RHPN1: variants seen among roughly 807,000 people sequenced by gnomAD.
RHPN1 encodes the protein rhophilin Rho GTPase binding protein 1.
In RHPN1, 77 loss-of-function variants were observed where a neutral mutation model predicts 74.7. The observed-to-expected ratio is 1.03, with a 90% CI of 0.86 to 1.25. RHPN1 has a LOEUF of 1.25. Among genes scored for constraint, RHPN1 ranks in the 50% most tolerant of loss-of-function variants. RHPN1 has a pLI of 0.00. For synonymous variants in RHPN1, 444 were observed against 414.5 expected (o/e 1.07, Z -0.87); for missense variants, 987 against 932.2 (o/e 1.06, Z -0.77).
At chr8:143,376,389 G>A (rs1818218647) in intron 2 of RHPN1, 136 bp from the exon 3 acceptor site, 3 of 1,316,650 alleles carry the variant, frequency 2.3e-6, no homozygotes, top group African/African-American at 1.5e-5. Context: ...CCCATGGGGG[G>A]CAGACCCTGT....
At position 143,379,900 on chromosome 8, in the gene RHPN1, C is replaced by T; in HGVS notation, c.1017C>T (p.Ser339=). 1 of 1,606,384 alleles carries T rather than the reference C, an allele frequency of 6.2e-7. No homozygotes were observed. The highest frequency in any genetic ancestry group is 8.5e-7 in the Non-Finnish European group (1 of 1,177,024). Residue 339 remains serine, a synonymous_variant, in exon 9 of 15, where the codon TCC becomes TCT. Transcript: ENST00000289013. ...QPPVHDYVPV[S]WTALVHVKAE... is the part of the protein sequence containing the mutation. ...CCGTCCACGACTACGTGCCTGTCTC[C>T]TGGACTGCCCTGGTGCATGTCAAGG...
chr8:143,369,603 G>A (rs1025042908), intron 1 of RHPN1, among the ~76,000 whole-genome samples: 6 of 152,176 alleles, frequency 3.9e-5, no homozygotes, highest in African/African-American at 1.4e-4. Context: ...GGGAGGGGTG[G>A]GCAGGGCTGT....
upstream of RHPN1, among the ~76,000 whole-genome samples, chr8:143,366,260 C>G (rs1404797386): frequency 6.6e-6 from 1 of 152,174 alleles, no homozygotes; most frequent in Non-Finnish European, 1.5e-5. Flanking sequence ...GTCCAGTTCC[C>G]TGCCTGTCAC....
At chr8:143,376,766 G>A in intron 3 of RHPN1, 113 bp downstream of exon 3, 2 of 1,183,256 alleles carry the variant, frequency 1.7e-6, no homozygotes, top group Non-Finnish European at 2.3e-6. Flanking sequence ...TGCATTGTCT[G>A]TGTGTGTGCG....
At position 143,378,838 on chromosome 8, in the gene RHPN1, G is replaced by T. The variant is rs559934758; in HGVS notation, c.584+18G>T. 1.2e-5 allele frequency: 19 copies of T among 1,565,718 alleles called. No individual in the cohort carries two copies. Among genetic ancestry groups the T allele is most frequent in the African/African-American group, 2.7e-5 (2 of 73,538 alleles). ...TTCCACTGGTAGGGGCTCTGCGGGC[G>T]GAGGCACCCTGGGGAGGGGAGGCCC... On this transcript the variant is annotated intron_variant, in intron 6 of 14. Transcript: ENST00000289013.
chr8:143,380,000 C>T lies in RHPN1; in HGVS notation c.1102+15C>T, dbSNP rs779725634. On this transcript the variant is annotated intron_variant, in intron 9 of 14. Transcript: ENST00000289013. ...CGACGGCTCCCGTGAGTGCCCACCA[C>T]ACTTGCCCATGGTACTGCCAAGGCC... is the stretch of plus-strand genomic sequence containing the variant. 16 of 1,553,362 alleles carry T rather than the reference C, an allele frequency of 1.0e-5. No individual in the cohort carries two copies. Among genetic ancestry groups the T allele is most frequent in the South Asian group, 2.4e-5 (2 of 84,288 alleles).
intron 1 of RHPN1, among the ~76,000 whole-genome samples, chr8:143,372,496 G>A (rs1817896329): frequency 2.0e-5 from 3 of 152,088 alleles, no homozygotes; most frequent in Admixed American, 2.0e-4. Flanking sequence ...CGGCCCGTCC[G>A]CTGCTGGGTG....
At chr8:143,381,118 G>T in intron 11 of RHPN1, 150 bp from the exon 12 acceptor site, 1 of 682,422 alleles carries the variant, frequency 1.5e-6, no homozygotes, top group Non-Finnish European at 2.5e-6. Flanking sequence ...GGCACACCTG[G>T]GGCAGCTCCT....
chr8:143,371,139 C>T (rs1817794520), intron 1 of RHPN1, among the ~76,000 whole-genome samples: 1 of 152,284 alleles, frequency 6.6e-6, no homozygotes, highest in South Asian at 2.1e-4. Flanking sequence ...GAGTGGGAGT[C>T]CCTGCCGTGA....
At chr8:143,381,019 G>A (rs537162354) in intron 11 of RHPN1, among the ~76,000 whole-genome samples, 2 of 152,350 alleles carry the variant, frequency 1.3e-5, no homozygotes, top group African/African-American at 4.8e-5. Context: ...CTACCCTGAG[G>A]GGAAGCCCAC....
At position 143,381,857 on chromosome 8, in the gene RHPN1, A is replaced by T. The variant is rs753671904; in HGVS notation, c.1686A>T (p.Pro562=). 1.2e-6 allele frequency: 2 copies of T among 1,612,982 alleles called. No homozygotes were observed. The highest frequency in any genetic ancestry group is 2.2e-5 in the South Asian group (2 of 91,066). The part of the protein sequence containing the change: ...GDYIVSVNGQ[P]CRWWRHAEVV... ...ACATTGTGTCAGTGAATGGGCAGCCATGCAGGTGGTGGAGACACGCGGAGG... is the reference window on the plus strand; with the variant it reads ...ACATTGTGTCAGTGAATGGGCAGCCTTGCAGGTGGTGGAGACACGCGGAGG... Residue 562 remains proline, a synonymous_variant, in exon 14 of 15, where the codon CCA becomes CCT. Coordinates refer to ENST00000289013, the MANE Select transcript of RHPN1 (RefSeq NM_052924.3).
At chr8:143,379,159 G>A in intron 7 of RHPN1, 81 bp downstream of exon 7, 1 of 1,414,976 alleles carries the variant, frequency 7.1e-7, no homozygotes, top group Non-Finnish European at 9.3e-7. Flanking sequence ...AGGAGCTGGG[G>A]AGTGGTTAGG....
chr8:143,376,826 GTGTC>G (rs912421527), intron 3 of RHPN1, among the ~76,000 whole-genome samples, 173 bp downstream of exon 3: 1 of 149,784 alleles, frequency 6.7e-6, no homozygotes, highest in African/African-American at 2.5e-5. Flanking sequence ...CTGTGTGCAT[GTGTC>G]TGTGCATCTC....
chr8:143,379,595 C>T (rs1818557905), intron 8 of RHPN1, 87 bp downstream of exon 8: 2 of 1,460,898 alleles, frequency 1.4e-6, no homozygotes, highest in Non-Finnish European at 1.8e-6. Flanking sequence ...AGCTCTCCCA[C>T]CTCCTTCCTT....
chr8:143,380,742 A>G lies in RHPN1; in HGVS notation c.1370A>G (p.Glu457Gly), dbSNP rs1268784299. 1 of 1,594,362 alleles carries G rather than the reference A, an allele frequency of 6.3e-7. No individual in the cohort carries two copies. The highest frequency in any genetic ancestry group is 1.7e-5 in the Admixed American group (1 of 57,724). ...SLAKYAELDR[E>G]DDFCEAAEAP... ...GCCAAGTATGCGGAGCTCGACCGTG[A>G]GGATGACTTCTGTGAGGCTGCCGAG... The change falls in exon 11 of 15, where the codon GAG becomes GGG. Residue 457 changes from glutamate to glycine, a missense_variant. Physicochemically the swap from Glu to Gly is moderately conservative, Grantham distance 98. Coordinates refer to ENST00000289013, the MANE Select transcript of RHPN1 (RefSeq NM_052924.3).
chr8:143,377,377 CA>C lies in RHPN1; in HGVS notation c.306-2del. On this transcript the variant is annotated splice_acceptor_variant, in intron 3 of 14. Coordinates refer to ENST00000289013, the MANE Select transcript of RHPN1 (RefSeq NM_052924.3). LOFTEE classifies it high-confidence loss of function. ...AGTCTGAAGTCGATGCTTCTGGTTA[CA>C]GCGAAGCTGTCACTGTCCCCATGAT... The C allele has an allele frequency of 6.2e-7, 1 of 1,612,394 alleles. No homozygotes were observed. Among genetic ancestry groups the C allele is most frequent in the Non-Finnish European group, 8.5e-7 (1 of 1,178,788 alleles).
rs568112597 is a variant in RHPN1, at chr8:143,382,565, C to G, written c.1927C>G (p.Gln643Glu). 6 of 1,611,596 alleles carry G rather than the reference C, an allele frequency of 3.7e-6. No individual in the cohort carries two copies. The African/African-American group carries it at 8.0e-5, about 21-fold the overall frequency. The part of the protein sequence containing the change: ...PLLNWSRKAQ[Q>E]GKTGGCPQPC... Reference sequence around the variant, plus strand: ...CCTCAACTGGAGCCGAAAGGCCCAGCAGGGCAAGACTGGAGGCTGCCCCCA... The same window carrying G: ...CCTCAACTGGAGCCGAAAGGCCCAGGAGGGCAAGACTGGAGGCTGCCCCCA... Residue 643 changes from glutamine to glutamate, a missense_variant, in exon 15 of 15, where the codon CAG becomes GAG. Coordinates refer to ENST00000289013, the MANE Select transcript of RHPN1 (RefSeq NM_052924.3).
At chr8:143,381,401 C>G in intron 12 of RHPN1, 57 bp downstream of exon 12, 2 of 1,528,392 alleles carry the variant, frequency 1.3e-6, no homozygotes, top group Non-Finnish European at 8.9e-7. Context: ...CTGTGTGGCT[C>G]TGACCAGCAC....
chr8:143,376,567 G>A lies in RHPN1; in HGVS notation c.219G>A (p.Glu73=). ...NNRVRETVAL[E]LSYVNSNLQL... Reference sequence around the variant, plus strand: ...GGGTGAGAGAGACGGTCGCCCTGGAGCTGAGCTACGTCAACTCCAACCTGC... The same window carrying A: ...GGGTGAGAGAGACGGTCGCCCTGGAACTGAGCTACGTCAACTCCAACCTGC... The change falls in exon 3 of 15, where the codon GAG becomes GAA. Residue 73 remains glutamate, a synonymous_variant. Transcript: ENST00000289013. The A allele has an allele frequency of 8.7e-6, 14 of 1,611,640 alleles. No homozygotes were observed. The highest frequency in any genetic ancestry group is 1.2e-5 in the Non-Finnish European group (14 of 1,179,290).
Sources: gnomAD v4.1 joint callset for allele counts (sites outside exome capture counted in the v4.1 genomes callset) on GRCh38, gnomAD v4.1.1 for gene constraint, MANE v1.5 for transcripts, NCBI Gene and HGNC (gene_info 2026-07-23, HGNC 2026-07-21) for gene names.